The following DSCAM variants were observed in gnomAD, a reference collection of about 807,000 sequenced individuals.
DSCAM encodes the protein cell adhesion molecule DSCAM.
DSCAM carries 47 observed loss-of-function variants against 217.7 expected under a neutral mutation model. That is an observed-to-expected ratio of 0.22 (90% CI 0.17 to 0.28). The LOEUF is 0.28. Ranked by LOEUF, DSCAM falls within the 10% of genes least tolerant of loss-of-function variation. The pLI is 1.00. For synonymous variants in DSCAM, 1,056 were observed against 1,015.3 expected, an observed-to-expected ratio of 1.04 and a Z score of -0.76; for missense variants, 2,080 against 2,618.3, an observed-to-expected ratio of 0.79 and a Z score of 4.49.
intron 3 of DSCAM, among the ~76,000 whole-genome samples, chr21:40,595,910 T>C (rs2077018077): frequency 6.6e-6 from 1 of 152,224 alleles, no homozygotes; most frequent in Non-Finnish European, 1.5e-5. Context: ...CCTAAAGTCA[T>C]CCCTGTTGGT....
At chr21:40,468,533 A>G (rs1330812740) in intron 3 of DSCAM, among the ~76,000 whole-genome samples, 1 of 152,092 alleles carries the variant, frequency 6.6e-6, no homozygotes, top group Non-Finnish European at 1.5e-5. Flanking sequence ...TATTGCACAC[A>G]GGATTGGGGA....
At chr21:40,059,149 G>T (rs1405458348) in intron 28 of DSCAM, among the ~76,000 whole-genome samples, 1 of 152,136 alleles carries the variant, frequency 6.6e-6, no homozygotes, top group Non-Finnish European at 1.5e-5. Context: ...TAGGAGCATA[G>T]CTCATTATAA....
At chr21:40,459,847 C>A (rs1214561475) in intron 3 of DSCAM, among the ~76,000 whole-genome samples, 1 of 151,972 alleles carries the variant, frequency 6.6e-6, no homozygotes, top group Admixed American at 6.6e-5. Context: ...AGGTAGCAAT[C>A]GGTAGGAAAA....
At chr21:40,279,035 T>C (rs1225804509) in intron 10 of DSCAM, among the ~76,000 whole-genome samples, 1 of 152,226 alleles carries the variant, frequency 6.6e-6, no homozygotes, top group Non-Finnish European at 1.5e-5. Flanking sequence ...TAGTTCTTTA[T>C]TACATATCTA....
intron 1 of DSCAM, among the ~76,000 whole-genome samples, chr21:40,759,939 G>A (rs1027817505): frequency 6.6e-6 from 1 of 151,762 alleles, no homozygotes. Context: ...AGAATCAGGA[G>A]CTGTATTGGA....
chr21:40,213,138 C>CA (rs1309971067), intron 11 of DSCAM, among the ~76,000 whole-genome samples: 1 of 152,240 alleles, frequency 6.6e-6, no homozygotes, highest in East Asian at 1.9e-4. Context: ...ATGCCATCTT[C>CA]AAGATCATTT....
intron 20 of DSCAM, among the ~76,000 whole-genome samples, chr21:40,099,619 G>C (rs2089724925): frequency 6.6e-6 from 1 of 152,168 alleles, no homozygotes; most frequent in African/African-American, 2.4e-5. Flanking sequence ...ATATGTAACT[G>C]GATATTAAAG....
intron 30 of DSCAM, among the ~76,000 whole-genome samples, 194 bp from the exon 31 acceptor site, chr21:40,044,469 G>A (rs1043321639): frequency 1.3e-5 from 2 of 152,058 alleles, no homozygotes; most frequent in Admixed American, 6.5e-5. Context: ...TGATACTTAC[G>A]TGTTTAATCA....
At chr21:40,600,532 C>T (rs933058870) in intron 3 of DSCAM, among the ~76,000 whole-genome samples, 1 of 152,128 alleles carries the variant, frequency 6.6e-6, no homozygotes, top group Non-Finnish European at 1.5e-5. Flanking sequence ...GACCATAGCA[C>T]CAACTTATTA....
At position 40,144,003 on chromosome 21, in the gene DSCAM, T is replaced by G. The variant is rs537303757; in HGVS notation, c.3259+488A>C. On this transcript the variant is annotated intron_variant, in intron 17 of 32. Transcript: ENST00000400454. This position sits in a 1 kb window ranked among gnomAD's most constrained non-coding sequence, Gnocchi z 4.8. The stretch of plus-strand genomic sequence containing the variant: ...ATTCTCAGTGACATGGTGGAAGGGC[T>G]AATTAATTTATCTCGGCCGCTAGGG... 2.6e-5 allele frequency among the ~76,000 whole-genome samples: 4 copies of G among 152,346 alleles called. No homozygotes were observed. In the East Asian group the frequency reaches 7.7e-4, roughly 29 times the overall value.
intron 3 of DSCAM, among the ~76,000 whole-genome samples, chr21:40,496,051 T>C (rs1311789743): frequency 6.6e-6 from 1 of 152,186 alleles, no homozygotes; most frequent in Non-Finnish European, 1.5e-5. Flanking sequence ...TGAAAAATAT[T>C]CTATGTTTAT....
intron 3 of DSCAM, among the ~76,000 whole-genome samples, chr21:40,515,945 T>G (rs1219118905): frequency 6.6e-6 from 1 of 152,170 alleles, no homozygotes; most frequent in African/African-American, 2.4e-5. Flanking sequence ...TCTTTTTTTT[T>G]CATAGATAAC....
intron 3 of DSCAM, among the ~76,000 whole-genome samples, chr21:40,542,457 C>T (rs1428357728): frequency 6.6e-6 from 1 of 152,182 alleles, no homozygotes; most frequent in Admixed American, 6.5e-5. Context: ...CTAACTCCCA[C>T]TGTGATTGTA....
intron 3 of DSCAM, among the ~76,000 whole-genome samples, 164 bp downstream of exon 3, chr21:40,692,646 A>C (rs1474800684): frequency 6.6e-6 from 1 of 152,242 alleles, no homozygotes; most frequent in East Asian, 1.9e-4. Flanking sequence ...ATTATAAGCC[A>C]ATACAAAACA....
At chr21:40,291,640 TCTCCCTCG>T (rs1403788404) in intron 10 of DSCAM, among the ~76,000 whole-genome samples, 2 of 152,174 alleles carry the variant, frequency 1.3e-5, no homozygotes, top group Non-Finnish European at 2.9e-5. Flanking sequence ...CACCTTCCGG[TCTCCCTCG>T]GAGGACAGGA....
rs542173430 is a variant in DSCAM, at chr21:40,620,945, T to G, written c.508+71865A>C. Among the ~76,000 whole-genome samples, 23 of 152,272 alleles carry G rather than the reference T, an allele frequency of 1.5e-4. No homozygotes were observed. In the South Asian group the frequency reaches 2.7e-3, roughly 18 times the overall value. The stretch of plus-strand genomic sequence containing the variant: ...TGATGCGTGTGACGACATTGATGGA[T>G]CTCAGATGCATTATAAGTGAAAGAA... On this transcript the variant is annotated intron_variant, in intron 3 of 32. Coordinates refer to ENST00000400454, the MANE Select transcript of DSCAM (RefSeq NM_001389.5).
chr21:40,674,541 A>G (rs2090313544), intron 3 of DSCAM, among the ~76,000 whole-genome samples: 1 of 152,108 alleles, frequency 6.6e-6, no homozygotes, highest in East Asian at 1.9e-4. Context: ...AGAAATTATC[A>G]ATTCAGGCTA....
At chr21:40,665,790 G>A (rs941162329) in intron 3 of DSCAM, among the ~76,000 whole-genome samples, 8 of 152,200 alleles carry the variant, frequency 5.3e-5, no homozygotes, top group Non-Finnish European at 1.0e-4. Context: ...ATGAATCAGT[G>A]AATGAATGCT....
At chr21:40,775,373 C>A (rs1411840439) in intron 1 of DSCAM, among the ~76,000 whole-genome samples, 2 of 152,058 alleles carry the variant, frequency 1.3e-5, no homozygotes, top group African/African-American at 2.4e-5. Context: ...ACCTAGAAAC[C>A]TGGTAAAGTA....
Sources: allele counts gnomAD v4.1 joint callset (sites outside exome capture counted in the v4.1 genomes callset), GRCh38; gene constraint gnomAD v4.1.1; non-coding constraint Gnocchi (gnomAD v3.1); transcripts MANE v1.5; gene names NCBI Gene and HGNC (gene_info 2026-07-23, HGNC 2026-07-21).